The following SH3TC1 variants were observed in gnomAD, a reference collection of about 807,000 sequenced individuals.
The protein encoded by SH3TC1 is SH3 domain and tetratricopeptide repeats 1, also known as SH3 domain and tetratricopeptide repeat-containing protein 1.
In SH3TC1, 135 loss-of-function variants were observed where a neutral mutation model predicts 117.3. The observed-to-expected ratio is 1.15, with a 90% confidence interval of 1.00 to 1.33. The LOEUF is 1.33. Ranked by LOEUF, SH3TC1 falls within the 40% of genes most tolerant of loss-of-function variation. SH3TC1 has a pLI of 0.00. For missense variants in SH3TC1, 2,092 were observed against 1,794.3 expected, an observed-to-expected ratio of 1.17 and a Z score of -3.00; for synonymous variants, 898 against 816.9, an observed-to-expected ratio of 1.10 and a Z score of -1.69.
chr4:8,182,132 A>T (rs1287343032), exon 1 of SH3TC1: 2 of 152,408 alleles, frequency 1.3e-5, no homozygotes, highest in Non-Finnish European at 2.9e-5. Flanking sequence ...GTCCTGAGGA[A>T]CTGTGATAGC....
chr4:8,218,203 C>T (rs768074244), intron 7 of SH3TC1, 68 bp from the exon 8 acceptor site: 1 of 1,281,766 alleles, frequency 7.8e-7, no homozygotes, highest in African/African-American at 1.5e-5. Context: ...CCTGTCCAGT[C>T]TCTGCACAGG....
Position 8,232,017 on chromosome 4 carries a change from G to C in SH3TC1, c.2992G>C (p.Ala998Pro). The C allele has an allele frequency of 1.2e-6, 2 of 1,612,802 alleles. No homozygotes were observed. Among genetic ancestry groups the C allele is most frequent in the Non-Finnish European group, 1.7e-6 (2 of 1,180,022 alleles). The change falls in exon 13 of 18, where the codon GCC becomes CCC. Residue 998 changes from alanine (A) to proline (P), a missense_variant. Transcript: ENST00000245105. ...CCAGCGGCTGTGCCACTTCTACAGC[G>C]CCGTCATGCCCAGCGAGGCCCAGTG... Reference protein sequence around the residue: ...AVQRLCHFYSAVMPSEAQCVI... With the variant: ...AVQRLCHFYSPVMPSEAQCVI...
At chr4:8,236,626 T>G in intron 16 of SH3TC1, 198 bp downstream of exon 16, 2 of 581,696 alleles carry the variant, frequency 3.4e-6, no homozygotes, top group Non-Finnish European at 5.4e-6. Flanking sequence ...GCTCCCTGCC[T>G]GGCTGAGCTC....
chr4:8,205,022 C>G lies in SH3TC1; in HGVS notation c.-28-145C>G. 3.5e-6 allele frequency: 2 copies of G among 572,704 alleles called. No individual in the cohort carries two copies. Among genetic ancestry groups the G allele is most frequent in the Non-Finnish European group, 5.8e-6 (2 of 346,910 alleles). The allele number at this position is 572,704 out of a possible 1,614,324, so 35.5% of individuals were successfully genotyped here. A position where few individuals can be genotyped will look rare whatever the true frequency, so the allele number is the denominator to read the frequency against. On this transcript the variant is annotated intron_variant, in intron 1 of 17. Coordinates refer to ENST00000245105, the MANE Select transcript of SH3TC1 (RefSeq NM_018986.5). This position sits in a 1 kb window ranked among gnomAD's most constrained non-coding sequence, Gnocchi z 5.4. ...ATCACGCCCACCACAACACGGTGCA[C>G]GGTGCGGTGAGGGGCTCGCTGGATC...
At chr4:8,196,024 C>T (rs1717548510), upstream of SH3TC1, among the ~76,000 whole-genome samples, 1 of 152,260 alleles carries the variant, frequency 6.6e-6, no homozygotes. This position sits in a 1 kb window ranked among gnomAD's most constrained non-coding sequence, Gnocchi z 4.6. Flanking sequence ...GGTTCTTCCC[C>T]ACCTGCCTGT....
At position 8,235,449 on chromosome 4, in the gene SH3TC1, C is replaced by A. The variant is rs2152997318; in HGVS notation, c.3299C>A (p.Ala1100Asp). 1 of 1,568,140 alleles carries A rather than the reference C, an allele frequency of 6.4e-7. No individual in the cohort carries two copies. The highest frequency in any genetic ancestry group is 8.7e-7 in the Non-Finnish European group (1 of 1,154,916). Residue 1100 changes from alanine (A) to aspartate (D), a missense_variant, in exon 15 of 18, where the codon GCC (alanine) becomes GAC (aspartate). Ala to Asp is a moderately radical substitution (Grantham distance 126). Coordinates refer to ENST00000245105, the MANE Select transcript of SH3TC1 (RefSeq NM_018986.5). Reference sequence around the variant, plus strand: ...TCCTTTCAGGTGGCACAGAACGTGGCCCTGTACACAGGCGACCCCAACCTG... The same window carrying A: ...TCCTTTCAGGTGGCACAGAACGTGGACCTGTACACAGGCGACCCCAACCTG... ...DLYIQVAQNV[A>D]LYTGDPNLGL...
intron 11 of SH3TC1, among the ~76,000 whole-genome samples, chr4:8,226,263 C>G (rs1045536644): frequency 6.6e-6 from 1 of 152,186 alleles, no homozygotes; most frequent in Non-Finnish European, 1.5e-5. Flanking sequence ...CCACCAAAGC[C>G]AGCAGGCGCC....
At chr4:8,218,647 G>C (rs1383018404) in intron 8 of SH3TC1, among the ~76,000 whole-genome samples, 3 of 152,246 alleles carry the variant, frequency 2.0e-5, no homozygotes, top group African/African-American at 4.8e-5. Context: ...TGTCTGCAAA[G>C]AGCTCCCAAA....
At chr4:8,212,928 C>A in intron 4 of SH3TC1, 100 bp downstream of exon 4, 1 of 1,426,528 alleles carries the variant, frequency 7.0e-7, no homozygotes. Flanking sequence ...AGGAGGCAGG[C>A]CTCAGAGAGC....
chr4:8,188,689 GGGAGACCCCGGGACCCACACCTGGCT>G (rs1717305525), intron 1 of SH3TC1, among the ~76,000 whole-genome samples: 1 of 152,340 alleles, frequency 6.6e-6, no homozygotes, highest in Middle Eastern at 3.4e-3. Context: ...AGCAAGTGAG[GGGAGACCCCGGGACCCACACCTGGCT>G]GGACACCAAA....
intron 9 of SH3TC1, 89 bp from the exon 10 acceptor site, chr4:8,222,751 C>G: frequency 6.6e-7 from 1 of 1,507,846 alleles, no homozygotes; most frequent in African/African-American, 1.4e-5. Flanking sequence ...GACTATCTGT[C>G]TGTCAAATCA....
At position 8,234,517 on chromosome 4, in the gene SH3TC1, A is replaced by ATCCG. The variant is rs1223432882; in HGVS notation, c.3283-908_3283-905dup. ...CACCCATCCATCCATTCATCTGTCC[A>ATCCG]TCCGTCCGTCCATCCATCCATCCAC... is the stretch of plus-strand genomic sequence containing the variant. On this transcript the variant is annotated intron_variant, in intron 14 of 17. Coordinates refer to ENST00000245105, the MANE Select transcript of SH3TC1 (RefSeq NM_018986.5). 5.4e-5 allele frequency among the ~76,000 whole-genome samples: 8 copies of ATCCG among 149,222 alleles called. No individual in the cohort carries two copies. The East Asian group carries it at 8.1e-4, about 15-fold the overall frequency.
rs142654717 is a variant in SH3TC1 at position 8,227,593 on chromosome 4, G to A, written c.1899G>A (p.Gly633=). The A allele has an allele frequency of 3.1e-4, 470 of 1,520,442 alleles. No individual in the cohort carries two copies. The African/African-American group carries it at 5.9e-3, about 19-fold the overall frequency. 94.2% of individuals were successfully genotyped at this position (1,520,442 alleles called of 1,614,324 possible). A position where few individuals can be genotyped will look rare whatever the true frequency, so the allele number is the denominator to read the frequency against. ...CCAAAGCCATGGCCCTGCTCCTGGGGACGCCTGACCACATCTGCAGCACCG... is the reference window on the plus strand; with the variant it reads ...CCAAAGCCATGGCCCTGCTCCTGGGAACGCCTGACCACATCTGCAGCACCG... ...VVPKAMALLL[G]TPDHICSTEA... is the part of the protein sequence containing the mutation. The change falls in exon 12 of 18, where the codon GGG becomes GGA. Residue 633 remains glycine (G), a synonymous_variant. Transcript: ENST00000245105.
At chr4:8,195,785 G>A (rs1038295777), upstream of SH3TC1, among the ~76,000 whole-genome samples, 6 of 152,116 alleles carry the variant, frequency 3.9e-5, no homozygotes, top group African/African-American at 1.4e-4. Flanking sequence ...TGGAGAACTG[G>A]GGGCACCCGC....
At position 8,218,099 on chromosome 4, in the gene SH3TC1, C is replaced by A. The variant is rs1719477854; in HGVS notation, c.840-172C>A. The A allele has an allele frequency of 4.1e-5, 20 of 487,208 alleles. No homozygotes were observed. In the South Asian group the frequency reaches 7.2e-4, roughly 18 times the overall value. 30.2% of individuals were successfully genotyped at this position (487,208 alleles called of 1,614,324 possible). A position where few individuals can be genotyped will look rare whatever the true frequency, so the allele number is the denominator to read the frequency against. On this transcript the variant is annotated intron_variant, in intron 7 of 17. Transcript: ENST00000245105. ...TGCCACACGCACGGGGCCTGAAGGC[C>A]ACACACCTGGGCAGGCATGTGTGTG...
intron 9 of SH3TC1, 49 bp downstream of exon 9, chr4:8,219,579 C>G (rs760949390): frequency 1.4e-6 from 2 of 1,437,148 alleles, no homozygotes; most frequent in Admixed American, 5.6e-5. Flanking sequence ...CCCATCTCAC[C>G]TAAGGGGACG....
At chr4:8,229,397 G>A (rs1185689193) in intron 12 of SH3TC1, 3 of 146,370 alleles carry the variant, frequency 2.0e-5, no homozygotes, top group Non-Finnish European at 3.0e-5. Flanking sequence ...GAAGGCCCAG[G>A]GGTGAGCGAG....
intron 3 of SH3TC1, among the ~76,000 whole-genome samples, chr4:8,211,669 G>A (rs977483822): frequency 9.2e-5 from 14 of 151,482 alleles, no homozygotes; most frequent in South Asian, 4.2e-4. Flanking sequence ...TTTTCTCAGC[G>A]TCTCCAGGCA....
Position 8,227,721 on chromosome 4 carries a change from T to G in SH3TC1, c.2027T>G (p.Val676Gly), listed in dbSNP as rs2152991854. The change falls in exon 12 of 18, where the codon GTG becomes GGG. Residue 676 changes from valine to glycine, a missense_variant. By Grantham distance (109) the Val-to-Gly change is moderately radical. Transcript: ENST00000245105. ...RACFLLARHH[V>G]HLKQPEEALP... ...TGCTTCCTGCTGGCCAGGCACCACG[T>G]GCACCTCAAGCAGCCCGAGGAGGCC... 2 of 1,585,234 alleles carry G rather than the reference T, an allele frequency of 1.3e-6. No homozygotes were observed. The highest frequency in any genetic ancestry group is 4.5e-5 in the East Asian group (2 of 44,476).
Sources: gnomAD v4.1 joint callset for allele counts (sites outside exome capture counted in the v4.1 genomes callset) on GRCh38, gnomAD v4.1.1 for gene constraint, Gnocchi (gnomAD v3.1) non-coding constraint, MANE v1.5 for transcripts, NCBI Gene and HGNC (gene_info 2026-07-23, HGNC 2026-07-21) for gene names.